The following ORC4 variants were observed in gnomAD, a reference collection of about 807,000 sequenced individuals.
The protein encoded by ORC4 is origin recognition complex subunit 4.
Under a neutral mutation model 63.9 loss-of-function variants are expected in ORC4, and 55 were observed. That is an observed-to-expected ratio of 0.86 (90% CI 0.69 to 1.08). ORC4 has a LOEUF of 1.08. Ranked by LOEUF, ORC4 falls within the 50% of genes least tolerant of loss-of-function variation. ORC4 has a pLI of 0.00. For synonymous variants in ORC4, 150 were observed against 168.5 expected (o/e 0.89, Z 0.85); for missense variants, 511 against 504.4 (o/e 1.01, Z -0.13).
chr2:147,954,486 C>T (rs547459207), intron 7 of ORC4, among the ~76,000 whole-genome samples: 5 of 152,080 alleles, frequency 3.3e-5, no homozygotes, highest in South Asian at 4.1e-4. Context: ...TAACACAATG[C>T]GAAGTATTTG....
chr2:147,998,648 T>C (rs1225236378), intron 1 of ORC4, among the ~76,000 whole-genome samples: 2 of 152,330 alleles, frequency 1.3e-5, no homozygotes, highest in East Asian at 3.9e-4. Flanking sequence ...AACTGTGAGC[T>C]ATAAAACCTC....
intron 1 of ORC4, among the ~76,000 whole-genome samples, chr2:147,995,246 T>C (rs190043102): frequency 2.7e-5 from 4 of 149,522 alleles, no homozygotes; most frequent in African/African-American, 1.0e-4. Flanking sequence ...GTCTAAAGTA[T>C]TGTAAATGCA....
chr2:147,941,905 A>T (rs1688387282), intron 10 of ORC4, among the ~76,000 whole-genome samples: 1 of 152,132 alleles, frequency 6.6e-6, no homozygotes, highest in South Asian at 2.1e-4. Context: ...AGGGATAAAA[A>T]GACTTAAATT....
intron 4 of ORC4, among the ~76,000 whole-genome samples, chr2:147,967,000 T>C (rs1453269413): frequency 6.6e-6 from 1 of 152,142 alleles, no homozygotes; most frequent in African/African-American, 2.4e-5. Flanking sequence ...CATGATCAAG[T>C]GGGATTTATC....
intron 4 of ORC4, among the ~76,000 whole-genome samples, chr2:147,971,803 TGATTATATA>T (rs1394818873): frequency 1.3e-5 from 2 of 152,000 alleles, no homozygotes; most frequent in African/African-American, 4.8e-5. Flanking sequence ...ACTGCAAATA[TGATTATATA>T]TAAATGTGAC....
intron 10 of ORC4, 52 bp from the exon 11 acceptor site, chr2:147,939,300 G>C: frequency 8.9e-7 from 1 of 1,119,124 alleles, no homozygotes; most frequent in Non-Finnish European, 1.4e-6. Context: ...GGGCATTTTG[G>C]AGATACTGTG....
rs1055389369 is a variant in ORC4, at chr2:147,930,658, TG to T, written c.*4851del. 1 of 152,424 alleles carries T rather than the reference TG, an allele frequency of 6.6e-6. No individual in the cohort carries two copies. The highest frequency in any genetic ancestry group is 1.5e-5 in the Non-Finnish European group (1 of 67,978). The allele number at this position is 152,424 out of a possible 1,614,324, so 9.4% of individuals were successfully genotyped here. On this transcript the variant is annotated 3_prime_UTR_variant, in exon 14 of 14. Coordinates refer to ENST00000392857, the MANE Select transcript of ORC4 (RefSeq NM_181741.4). ...TTCTTGTGTTTTGGGCACAGGTTAT[TG>T]TACTACTGTCAAATCGTACTTGCTA...
At chr2:148,003,031 GA>G (rs1256963802) in intron 1 of ORC4, among the ~76,000 whole-genome samples, 4 of 152,054 alleles carry the variant, frequency 2.6e-5, no homozygotes, top group Non-Finnish European at 5.9e-5. Flanking sequence ...TGAATTCCTG[GA>G]CACAGACACC....
At chr2:148,000,171 G>A (rs1692213094) in intron 1 of ORC4, among the ~76,000 whole-genome samples, 1 of 151,940 alleles carries the variant, frequency 6.6e-6, no homozygotes, top group Admixed American at 6.6e-5. Flanking sequence ...AAAAACATGA[G>A]GAATTTTCCC....
chr2:147,958,573 A>C lies in ORC4; in HGVS notation c.302-190T>G, dbSNP rs981323570. On this transcript the variant is annotated intron_variant, in intron 5 of 13. Transcript: ENST00000392857. ...TCCTCCTTGGGATTAGAATGATTAA[A>C]AAAAAAAAAACCAAAAAACCCACAA... The C allele has an allele frequency of 1.6e-4, 93 of 581,712 alleles. 1 individual carries two copies. In the South Asian group the frequency reaches 2.3e-3, roughly 14 times the overall value. The allele number at this position is 581,712 out of a possible 1,614,324, so 36.0% of individuals were successfully genotyped here. A position where few individuals can be genotyped will look rare whatever the true frequency, so the allele number is the denominator to read the frequency against.
rs1316352809 is a variant in ORC4 at position 147,931,124 on chromosome 2, G to GTGA, written c.*4383_*4385dup. The GTGA allele has an allele frequency of 1.4e-5, 2 of 147,710 alleles. No individual in the cohort carries two copies. Among genetic ancestry groups the GTGA allele is most frequent in the East Asian group, 2.0e-4 (1 of 5,024 alleles). 9.1% of individuals were successfully genotyped at this position (147,710 alleles called of 1,614,324 possible). ...ATGCGGTGTTTGGTTTTTTGTTCTT[G>GTGA]TGATAGTTTACTGAGAATGATGATT... On this transcript the variant is annotated 3_prime_UTR_variant, in exon 14 of 14. Coordinates refer to ENST00000392857, the MANE Select transcript of ORC4 (RefSeq NM_181741.4).
chr2:147,973,406 TG>T (rs1459299270), intron 3 of ORC4, 41 bp downstream of exon 3: 1 of 1,178,020 alleles, frequency 8.5e-7, no homozygotes, highest in Non-Finnish European at 1.3e-6. Flanking sequence ...GGAAGGCATC[TG>T]TAAGTAGGTC....
At chr2:148,009,771 C>T (rs1358654526) in intron 1 of ORC4, among the ~76,000 whole-genome samples, 3 of 152,180 alleles carry the variant, frequency 2.0e-5, no homozygotes, top group Non-Finnish European at 4.4e-5. Flanking sequence ...ACATTCTTCT[C>T]CTTAGCACAT....
At chr2:148,011,693 C>T (rs1573901278) in intron 1 of ORC4, among the ~76,000 whole-genome samples, 1 of 152,080 alleles carries the variant, frequency 6.6e-6, no homozygotes, top group Admixed American at 6.5e-5. Flanking sequence ...TTGTTTGCAG[C>T]TCATGTGATC....
At chr2:147,943,818 A>AATG (rs1182098077) in intron 9 of ORC4, among the ~76,000 whole-genome samples, 3 of 152,140 alleles carry the variant, frequency 2.0e-5, no homozygotes, top group African/African-American at 7.2e-5. Context: ...ATACTAGTGA[A>AATG]ATGAACAAAA....
intron 1 of ORC4, among the ~76,000 whole-genome samples, chr2:147,997,951 A>G (rs1265127298): frequency 1.3e-5 from 2 of 152,224 alleles, no homozygotes; most frequent in East Asian, 3.8e-4. Flanking sequence ...TGCTCACCAG[A>G]TATTGCAGCA....
At chr2:147,993,517 G>A (rs1691749724) in intron 1 of ORC4, among the ~76,000 whole-genome samples, 1 of 152,104 alleles carries the variant, frequency 6.6e-6, no homozygotes, top group African/African-American at 2.4e-5. Flanking sequence ...TATGCAAAAA[G>A]CACAGGAGAC....
At chr2:147,986,391 T>C (rs546715943) in intron 1 of ORC4, among the ~76,000 whole-genome samples, 2 of 152,196 alleles carry the variant, frequency 1.3e-5, no homozygotes, top group East Asian at 3.9e-4. Context: ...CTTGCATCAA[T>C]AAAATCTCCT....
At position 147,958,279 on chromosome 2, in the gene ORC4, TA is replaced by T. The variant is rs778834610; in HGVS notation, c.387+18del. 4 of 1,470,480 alleles carry T rather than the reference TA, an allele frequency of 2.7e-6. No individual in the cohort carries two copies. Among genetic ancestry groups the T allele is most frequent in the African/African-American group, 2.8e-5 (2 of 72,036 alleles). The allele number at this position is 1,470,480 out of a possible 1,614,324, so 91.1% of individuals were successfully genotyped here. A position where few individuals can be genotyped will look rare whatever the true frequency, so the allele number is the denominator to read the frequency against. On this transcript the variant is annotated intron_variant, in intron 6 of 13. Transcript: ENST00000392857. Reference sequence around the variant, plus strand: ...TACCTTAAAAGTCTATTTAATAAAATAACTGAAATGATACTTACAAAAACTT... The same window carrying T: ...TACCTTAAAAGTCTATTTAATAAAATACTGAAATGATACTTACAAAAACTT...
Sources: allele counts gnomAD v4.1 joint callset (sites outside exome capture counted in the v4.1 genomes callset), GRCh38; gene constraint gnomAD v4.1.1; transcripts MANE v1.5; gene names NCBI Gene and HGNC (gene_info 2026-07-23, HGNC 2026-07-21).